The following CNTLN variants were observed in gnomAD, a reference collection of about 807,000 sequenced individuals.
CNTLN encodes the protein centlein, centrosomal protein.
In CNTLN, 212 loss-of-function variants were observed where a neutral mutation model predicts 180.0. The ratio of observed to expected loss-of-function variants is 1.18; its 90% CI spans 1.05 to 1.32. The LOEUF is 1.32. CNTLN is among the 40% of genes most tolerant of loss of function. The pLI is 0.00. For missense variants in CNTLN, 2,095 were observed against 1,610.9 expected, an observed-to-expected ratio of 1.30 and a Z score of -5.14; for synonymous variants, 722 against 563.1, an observed-to-expected ratio of 1.28 and a Z score of -3.99.
At position 17,135,357 on chromosome 9, in the gene CNTLN, A is replaced by G. The variant is rs1216967201; in HGVS notation, c.292A>G (p.Met98Val). The change falls in exon 1 of 26, where the codon ATG becomes GTG. Residue 98 changes from methionine (M) to valine (V), a missense_variant. Physicochemically the swap from Met to Val is conservative, Grantham distance 21. Transcript: ENST00000380647. ...AGAGGGCATCTCGGTAGAGGAGGCG[A>G]TGGTGACCCGGACGCAGCTGCTGGA... ...RLEGISVEEA[M>V]VTRTQLLEEE... 1.2e-6 allele frequency: 2 copies of G among 1,600,918 alleles called. No homozygotes were observed.
At chr9:17,432,663 T>A (rs1829484805) in intron 18 of CNTLN, among the ~76,000 whole-genome samples, 1 of 152,126 alleles carries the variant, frequency 6.6e-6, no homozygotes, top group Non-Finnish European at 1.5e-5. Context: ...AGAACAGATC[T>A]TCAGTGTGTG....
intron 6 of CNTLN, among the ~76,000 whole-genome samples, chr9:17,297,183 G>C (rs997048709): frequency 6.6e-6 from 1 of 152,106 alleles, no homozygotes; most frequent in Non-Finnish European, 1.5e-5. Context: ...AAACAATACA[G>C]TATAACATTA....
chr9:17,466,045 T>C lies in CNTLN; in HGVS notation c.3596T>C (p.Leu1199Pro). The change falls in exon 22 of 26, where the codon CTT becomes CCT. Residue 1199 changes from leucine (L) to proline (P), a missense_variant. Leu to Pro is a moderately conservative substitution (Grantham distance 98). Transcript: ENST00000380647. ...TCAATTGATTCACTAAAGCAAAGAC[T>C]TAACGTTGCTGTAAAAGAAAAGTCA... is the stretch of plus-strand genomic sequence containing the variant. ...KVSIDSLKQR[L>P]NVAVKEKSQY... The C allele has an allele frequency of 6.2e-7, 1 of 1,604,204 alleles. No individual in the cohort carries two copies. The highest frequency in any genetic ancestry group is 8.5e-7 in the Non-Finnish European group (1 of 1,172,610).
intron 5 of CNTLN, among the ~76,000 whole-genome samples, chr9:17,265,515 T>G (rs1300278241): frequency 6.6e-6 from 1 of 152,150 alleles, no homozygotes; most frequent in Admixed American, 6.5e-5. Context: ...TTTTTTGTTG[T>G]GTCTCTGCCA....
At chr9:17,267,345 T>G (rs1178952394) in intron 5 of CNTLN, among the ~76,000 whole-genome samples, 2 of 152,202 alleles carry the variant, frequency 1.3e-5, no homozygotes, top group Non-Finnish European at 2.9e-5. Context: ...ATTATTTTTT[T>G]TAAGAATGTT....
chr9:17,264,776 C>A (rs1161678993), intron 5 of CNTLN, among the ~76,000 whole-genome samples: 1 of 151,942 alleles, frequency 6.6e-6, no homozygotes. Flanking sequence ...ATTTGGATTC[C>A]TAGGTATTTT....
chr9:17,312,374 A>ATATTATATATATATATTATATATAT (rs1819242952), intron 8 of CNTLN, among the ~76,000 whole-genome samples: 6 of 57,628 alleles, frequency 1.0e-4, no homozygotes, highest in African/African-American at 3.5e-4. Flanking sequence ...TTATATATAT[A>ATATTATATATATATATTATATATAT]TATATATATA....
intron 13 of CNTLN, among the ~76,000 whole-genome samples, chr9:17,378,619 T>G (rs904020320): frequency 3.3e-5 from 5 of 152,218 alleles, no homozygotes; most frequent in Non-Finnish European, 5.9e-5. Context: ...GAGCTTGTAT[T>G]TTATTAAATT....
chr9:17,514,658 A>G, the CNTLN span, among the ~76,000 whole-genome samples: 4 of 152,242 alleles, frequency 2.6e-5, no homozygotes, highest in Non-Finnish European at 5.9e-5. Context: ...TTGGCCAAGT[A>G]GATTTTATTC....
intron 5 of CNTLN, among the ~76,000 whole-genome samples, chr9:17,246,784 T>C (rs10810739): frequency 0.49 from 74,611 of 151,932 alleles, 19,573 homozygotes; most frequent in South Asian, 0.7. Context: ...CTTCTCTCCC[T>C]TTTCTTCAAG....
intron 6 of CNTLN, among the ~76,000 whole-genome samples, chr9:17,280,410 G>A (rs1828590667): frequency 6.6e-6 from 1 of 151,862 alleles, no homozygotes. Context: ...AGCTATGATG[G>A]CATTTTTTTT....
rs905383695 is a variant in CNTLN at position 17,324,434 on chromosome 9, T to G, written c.1342-6198T>G. The stretch of plus-strand genomic sequence containing the variant: ...AAATCAGTCTTTTCATTCTAGCTTT[T>G]AAGCACTGTCAGGATTAGTTTACTC... On this transcript the variant is annotated intron_variant, in intron 8 of 25. Coordinates refer to ENST00000380647, the MANE Select transcript of CNTLN (RefSeq NM_017738.4). 2.6e-5 allele frequency among the ~76,000 whole-genome samples: 4 copies of G among 152,320 alleles called. No homozygotes were observed. In the South Asian group the frequency reaches 8.3e-4, roughly 32 times the overall value.
chr9:17,491,865 A>G (rs1009441328), intron 25 of CNTLN, among the ~76,000 whole-genome samples: 1 of 148,700 alleles, frequency 6.7e-6, no homozygotes, highest in African/African-American at 2.6e-5. Context: ...GGCAGTGGGA[A>G]GGGTTTTATA....
chr9:17,254,760 G>C (rs569123117), intron 5 of CNTLN, among the ~76,000 whole-genome samples: 21 of 151,550 alleles, frequency 1.4e-4, no homozygotes, highest in Admixed American at 2.6e-4. Flanking sequence ...GAATTGCTGT[G>C]GCTGTTTGGG....
intron 5 of CNTLN, among the ~76,000 whole-genome samples, chr9:17,253,711 A>G (rs932337717): frequency 6.6e-6 from 1 of 150,636 alleles, no homozygotes; most frequent in East Asian, 1.9e-4. Flanking sequence ...GTTGTTTGCA[A>G]AGAGGGACAG....
intron 2 of CNTLN, among the ~76,000 whole-genome samples, chr9:17,190,165 CG>C (rs1821706322): frequency 1.4e-5 from 2 of 147,848 alleles, no homozygotes; most frequent in African/African-American, 5.0e-5. Flanking sequence ...TCTAGTAAGC[CG>C]GGGGCAATCA....
chr9:17,292,386 C>G (rs1488800156), intron 6 of CNTLN, among the ~76,000 whole-genome samples: 1 of 152,290 alleles, frequency 6.6e-6, no homozygotes. Flanking sequence ...AGATGATATC[C>G]TGAGGTATGT....
rs1489287053 is a variant in CNTLN, at chr9:17,394,554, G to A, written c.2100G>A (p.Arg700=). Residue 700 remains arginine, a synonymous_variant, in exon 15 of 26, where the codon CGG becomes CGA. Coordinates refer to ENST00000380647, the MANE Select transcript of CNTLN (RefSeq NM_017738.4). Reference sequence around the variant, plus strand: ...TTTAGGTCACTGAGTTGGAAAATCGGCTGAAATCTTTTGAGAAAAGGTCGA... The same window carrying A: ...TTTAGGTCACTGAGTTGGAAAATCGACTGAAATCTTTTGAGAAAAGGTCGA... The part of the protein sequence containing the change: ...TLQKVTELEN[R]LKSFEKRSRK... 1 of 1,579,790 alleles carries A rather than the reference G, an allele frequency of 6.3e-7. No homozygotes were observed. Among genetic ancestry groups the A allele is most frequent in the Non-Finnish European group, 8.6e-7 (1 of 1,168,634 alleles).
intron 5 of CNTLN, among the ~76,000 whole-genome samples, chr9:17,257,906 A>AG (rs1348160016): frequency 7.4e-6 from 1 of 135,042 alleles, no homozygotes; most frequent in African/African-American, 2.9e-5. Context: ...GGTTGCAAAA[A>AG]TTTTCTCCCA....
Sources: gnomAD v4.1 joint callset for allele counts (sites outside exome capture counted in the v4.1 genomes callset) on GRCh38, gnomAD v4.1.1 for gene constraint, MANE v1.5 for transcripts, NCBI Gene and HGNC (gene_info 2026-07-23, HGNC 2026-07-21) for gene names.